The following TFEC variants were observed in gnomAD, a reference collection of about 807,000 sequenced individuals.
The protein encoded by TFEC is transcription factor EC, also known as class E basic helix-loop-helix protein 34.
In TFEC, 31 loss-of-function variants were observed where a neutral mutation model predicts 41.6. That is an observed-to-expected ratio of 0.74 (90% CI 0.56 to 1.01). TFEC has a LOEUF of 1.01. Among genes scored for constraint, TFEC ranks in the 50% least tolerant of loss-of-function variants. The pLI, the probability that TFEC is intolerant of heterozygous loss-of-function variation, is 0.00. For synonymous variants in TFEC, 143 were observed against 140.6 expected (o/e 1.02, Z -0.12); for missense variants, 402 against 404.1 (o/e 0.99, Z 0.04).
intron 3 of TFEC, among the ~76,000 whole-genome samples, chr7:116,052,656 T>C (rs149907706): frequency 0.031 from 4,671 of 151,936 alleles, 88 homozygotes; most frequent in Non-Finnish European, 0.038. Context: ...CTCAATCTCT[T>C]GATCTCGTGA....
rs1481048238 is a variant in TFEC at position 116,007,084 on chromosome 7, A to T, written c.-72-22571T>A. 2.6e-5 allele frequency among the ~76,000 whole-genome samples: 4 copies of T among 152,330 alleles called. No individual in the cohort carries two copies. The East Asian group carries it at 7.7e-4, about 29-fold the overall frequency. On this transcript the variant is annotated intron_variant, in intron 1 of 7. Transcript: ENST00000265440. ...ATTACCAGCAGCATGAGAACGGGCC[A>T]ATACAATTACATATACAAAATGTAT...
chr7:116,006,021 G>A (rs1280488073), intron 1 of TFEC, among the ~76,000 whole-genome samples: 1 of 152,184 alleles, frequency 6.6e-6, no homozygotes, highest in African/African-American at 2.4e-5. Context: ...GTCAAGAATT[G>A]AGGTTTGGGA....
At chr7:116,011,216 A>G (rs186256751) in intron 1 of TFEC, among the ~76,000 whole-genome samples, 399 of 152,280 alleles carry the variant, frequency 2.6e-3, no homozygotes, top group Non-Finnish European at 4.5e-3. Flanking sequence ...TAAATCTAAA[A>G]TATTGATAAC....
chr7:116,144,989 C>A (rs560406285), intron 1 of TFEC, among the ~76,000 whole-genome samples: 5 of 152,144 alleles, frequency 3.3e-5, no homozygotes, highest in Non-Finnish European at 7.3e-5. Flanking sequence ...CTCTGAGGAA[C>A]CCTGACTAAT....
At chr7:116,027,185 C>T (rs1270680142) in intron 1 of TFEC, among the ~76,000 whole-genome samples, 2 of 152,060 alleles carry the variant, frequency 1.3e-5, no homozygotes, top group South Asian at 2.1e-4. Flanking sequence ...GTCAATAATA[C>T]GGTAGGTACT....
At chr7:116,021,692 C>A (rs1479523740) in intron 1 of TFEC, among the ~76,000 whole-genome samples, 1 of 152,156 alleles carries the variant, frequency 6.6e-6, no homozygotes, top group Non-Finnish European at 1.5e-5. Context: ...CCACTTCAAC[C>A]TGACAGGCAA....
At chr7:116,112,032 T>A in exon 2 of TFEC, 3 of 985,654 alleles carry the variant, frequency 3.0e-6, no homozygotes, top group Non-Finnish European at 3.6e-6. Flanking sequence ...AAATCATTGA[T>A]AGGACTCTGA....
chr7:116,016,448 C>T (rs1377720357), intron 1 of TFEC, among the ~76,000 whole-genome samples: 1 of 152,110 alleles, frequency 6.6e-6, no homozygotes, highest in Non-Finnish European at 1.5e-5. Context: ...CATTTCTGTT[C>T]CCTATCTCTG....
intron 3 of TFEC, among the ~76,000 whole-genome samples, chr7:116,102,681 A>G (rs111627912): frequency 7.9e-4 from 120 of 152,348 alleles, no homozygotes; most frequent in African/African-American, 2.6e-3. Flanking sequence ...CCAGTTATGA[A>G]GTACACAACA....
chr7:116,158,272 T>C (rs1213689249), intron 1 of TFEC, among the ~76,000 whole-genome samples: 1 of 152,142 alleles, frequency 6.6e-6, no homozygotes, highest in Non-Finnish European at 1.5e-5. Flanking sequence ...ATAGAGTCTT[T>C]TTTAATGACT....
intron 1 of TFEC, among the ~76,000 whole-genome samples, chr7:116,028,719 T>C (rs984723805): frequency 4.6e-5 from 7 of 152,252 alleles, no homozygotes; most frequent in African/African-American, 1.7e-4. Flanking sequence ...GATAGCTTTA[T>C]TTGTAAAACG....
At chr7:116,016,529 A>ACCT (rs1795196585) in intron 1 of TFEC, among the ~76,000 whole-genome samples, 1 of 151,882 alleles carries the variant, frequency 6.6e-6, no homozygotes, top group Non-Finnish European at 1.5e-5. Flanking sequence ...AGCACTAAGC[A>ACCT]CCTCCTCCTC....
chr7:116,103,930 G>A (rs1797660484), intron 3 of TFEC, among the ~76,000 whole-genome samples: 1 of 152,092 alleles, frequency 6.6e-6, no homozygotes, highest in Admixed American at 6.6e-5. Flanking sequence ...TTCAGAAGAG[G>A]AGACATACAA....
At chr7:115,941,772 A>T (rs970227971) in intron 7 of TFEC, 121 bp downstream of exon 7, 1 of 1,351,956 alleles carries the variant, frequency 7.4e-7, no homozygotes. Flanking sequence ...CAGTAAAATT[A>T]TCCTTCAAAA....
chr7:116,059,965 A>G (rs969246022), intron 3 of TFEC, among the ~76,000 whole-genome samples: 6 of 152,120 alleles, frequency 3.9e-5, no homozygotes, highest in African/African-American at 1.4e-4. Context: ...TATGAGTTCA[A>G]TAAGGCAGAA....
chr7:115,966,360 G>A (rs1411428947), intron 3 of TFEC, among the ~76,000 whole-genome samples: 2 of 151,444 alleles, frequency 1.3e-5, no homozygotes, highest in Non-Finnish European at 3.0e-5. Context: ...TTATATATGG[G>A]GAATTTTTTT....
intron 3 of TFEC, among the ~76,000 whole-genome samples, chr7:116,106,614 C>A (rs1264812283): frequency 6.6e-6 from 1 of 152,248 alleles, no homozygotes; most frequent in South Asian, 2.1e-4. Context: ...TGCCTGACCT[C>A]AAGTCTTTAT....
intron 3 of TFEC, among the ~76,000 whole-genome samples, chr7:116,055,015 G>A (rs1796395505): frequency 6.6e-6 from 1 of 152,076 alleles, no homozygotes; most frequent in African/African-American, 2.4e-5. Flanking sequence ...AAAAGCAAAA[G>A]TATTTTCACA....
At chr7:115,998,418 A>C (rs1263089766) in intron 1 of TFEC, among the ~76,000 whole-genome samples, 1 of 152,080 alleles carries the variant, frequency 6.6e-6, no homozygotes. Flanking sequence ...AAGAAGGAAG[A>C]GAAGACCACA....
Sources: gnomAD v4.1 joint callset for allele counts (sites outside exome capture counted in the v4.1 genomes callset) on GRCh38, gnomAD v4.1.1 for gene constraint, MANE v1.5 for transcripts, NCBI Gene and HGNC (gene_info 2026-07-23, HGNC 2026-07-21) for gene names.